The following ANGPT2 variants were observed in gnomAD, a reference collection of about 807,000 sequenced individuals.
ANGPT2 encodes angiopoietin-2.
Under a neutral mutation model 62.9 loss-of-function variants are expected in ANGPT2, and 28 were observed. That is an observed-to-expected ratio of 0.44 (90% confidence interval 0.33 to 0.61). The LOEUF is 0.61. ANGPT2 is among the 20% of genes least tolerant of loss of function. ANGPT2 has a pLI of 0.03. For synonymous variants in ANGPT2, 284 were observed against 207.8 expected (o/e 1.37, Z -3.15); for missense variants, 727 against 594.9 (o/e 1.22, Z -2.31).
chr8:6,543,966 A>T (rs760290405), intron 1 of ANGPT2, among the ~76,000 whole-genome samples: 4 of 152,226 alleles, frequency 2.6e-5, no homozygotes, highest in African/African-American at 4.8e-5. Flanking sequence ...TAATCTTTAA[A>T]GTTGCAATAT....
At chr8:6,536,258 G>A (rs1028848073) in intron 1 of ANGPT2, among the ~76,000 whole-genome samples, 7 of 152,012 alleles carry the variant, frequency 4.6e-5, no homozygotes, top group African/African-American at 1.7e-4. Context: ...CTTGGTTGCC[G>A]GCACTGCCTG....
intron 4 of ANGPT2, among the ~76,000 whole-genome samples, chr8:6,520,893 G>T (rs753753978): frequency 6.6e-6 from 1 of 152,166 alleles, no homozygotes; most frequent in Non-Finnish European, 1.5e-5. Flanking sequence ...ATCGGCTGTG[G>T]TTTAGTAATT....
At position 6,500,140 on chromosome 8, in the gene ANGPT2, T is replaced by C. The variant is rs1811864477; in HGVS notation, c.*2961A>G. 1.8e-6 allele frequency: 1 copy of C among 560,064 alleles called. No individual in the cohort carries two copies. Among genetic ancestry groups the C allele is most frequent in the Non-Finnish European group, 3.2e-6 (1 of 312,388 alleles). The allele number at this position is 560,064 out of a possible 1,614,324, so 34.7% of individuals were successfully genotyped here. A position where few individuals can be genotyped will look rare whatever the true frequency, so the allele number is the denominator to read the frequency against. On this transcript the variant is annotated 3_prime_UTR_variant, in exon 9 of 9. Coordinates refer to ENST00000629816, the MANE Select transcript of ANGPT2 (RefSeq NM_001118887.2). ...CCATTGTGCAAAAAGTAGTGAGGAA[T>C]GCAGTCCAAAGAAAATTTGACGATT...
intron 1 of ANGPT2, among the ~76,000 whole-genome samples, chr8:6,554,219 GAGTA>G (rs1824177218): frequency 6.6e-6 from 1 of 150,938 alleles, no homozygotes; most frequent in African/African-American, 2.4e-5. Flanking sequence ...GTTAACATGG[GAGTA>G]AGTGTGACAA....
At chr8:6,516,066 A>G (rs2515427) in intron 5 of ANGPT2, among the ~76,000 whole-genome samples, 9,188 of 152,276 alleles carry the variant, frequency 0.06, 310 homozygotes, top group African/African-American at 0.079. Flanking sequence ...AAGGTCACCC[A>G]GCTCGTATTG....
At chr8:6,526,879 C>A (rs1431637985) in intron 3 of ANGPT2, among the ~76,000 whole-genome samples, 5 of 152,104 alleles carry the variant, frequency 3.3e-5, no homozygotes, top group Admixed American at 2.6e-4. Context: ...CTATCCCCTA[C>A]AATTTTTTTT....
At chr8:6,545,996 A>T (rs1467986187) in intron 1 of ANGPT2, among the ~76,000 whole-genome samples, 1 of 152,260 alleles carries the variant, frequency 6.6e-6, no homozygotes, top group Admixed American at 6.5e-5. Context: ...AGCCATTGTC[A>T]TTACAGATTC....
At chr8:6,528,857 C>T (rs1331381722) in intron 2 of ANGPT2, among the ~76,000 whole-genome samples, 7 of 152,204 alleles carry the variant, frequency 4.6e-5, no homozygotes, top group South Asian at 2.1e-4. Flanking sequence ...ATGGTCTTAT[C>T]CTTAGAGCTG....
chr8:6,507,670 AG>A (rs1233087382), intron 8 of ANGPT2: 1 of 141,258 alleles, frequency 7.1e-6, no homozygotes, highest in Non-Finnish European at 1.5e-5. Flanking sequence ...TCTGCCTCCC[AG>A]GTTCAAGCCA....
chr8:6,525,224 C>T (rs1479263504), intron 3 of ANGPT2, among the ~76,000 whole-genome samples: 1 of 152,112 alleles, frequency 6.6e-6, no homozygotes, highest in African/African-American at 2.4e-5. Flanking sequence ...TCAATTGTAG[C>T]TCTTAAATGT....
At position 6,513,794 on chromosome 8, in the gene ANGPT2, C is replaced by T. The variant is rs200777464; in HGVS notation, c.1080G>A (p.Ser360=). 104 of 1,613,786 alleles carry T rather than the reference C, an allele frequency of 6.4e-5. No individual in the cohort carries two copies. The highest frequency in any genetic ancestry group is 1.2e-4 in the Admixed American group (7 of 59,978). ...CATAGCGTTGCTGATTAGTCAGTTG[C>T]GAAACAAACTCATTTCCCAGCCAAT... The part of the protein sequence containing the change: ...GEYWLGNEFV[S]QLTNQQRYVL... Residue 360 remains serine (S), a synonymous_variant, in exon 7 of 9, where the codon TCG becomes TCA. Coordinates refer to ENST00000629816, the MANE Select transcript of ANGPT2 (RefSeq NM_001118887.2).
intron 5 of ANGPT2, among the ~76,000 whole-genome samples, chr8:6,517,970 A>G (rs921682147): frequency 6.6e-6 from 1 of 152,182 alleles, no homozygotes; most frequent in Non-Finnish European, 1.5e-5. Context: ...TTTTACTGCA[A>G]ATGTTTAAAG....
chr8:6,530,967 A>G (rs1026127229), intron 2 of ANGPT2, among the ~76,000 whole-genome samples: 2 of 151,954 alleles, frequency 1.3e-5, no homozygotes, highest in East Asian at 3.9e-4. Context: ...TAGGAATAAT[A>G]TGGAGTGGGG....
chr8:6,521,464 A>AT, intron 3 of ANGPT2, 54 bp from the exon 4 acceptor site: 2 of 1,252,738 alleles, frequency 1.6e-6, no homozygotes, highest in Non-Finnish European at 2.2e-6. Flanking sequence ...GAAATATTTT[A>AT]TATTTATTGA....
intron 5 of ANGPT2, among the ~76,000 whole-genome samples, chr8:6,515,962 G>A (rs952304740): frequency 6.6e-6 from 1 of 152,166 alleles, no homozygotes; most frequent in African/African-American, 2.4e-5. Context: ...GTGGCTGCCT[G>A]ATGCCTCATT....
At chr8:6,526,573 G>C (rs1246289806) in intron 3 of ANGPT2, among the ~76,000 whole-genome samples, 1 of 152,094 alleles carries the variant, frequency 6.6e-6, no homozygotes, top group Non-Finnish European at 1.5e-5. Flanking sequence ...AAATCTATTT[G>C]CTTTTCAAAA....
At chr8:6,526,324 C>T (rs761322170) in intron 3 of ANGPT2, among the ~76,000 whole-genome samples, 69 of 145,426 alleles carry the variant, frequency 4.7e-4, no homozygotes, top group Non-Finnish European at 9.0e-4. Context: ...GTCCCAGCTA[C>T]TCAGGAGGCT....
chr8:6,499,826 A>G lies in ANGPT2; in HGVS notation c.*3275T>C. On this transcript the variant is annotated 3_prime_UTR_variant, in exon 9 of 9. Coordinates refer to ENST00000629816, the MANE Select transcript of ANGPT2 (RefSeq NM_001118887.2). ...CTGCTAAGGCTAATAAATGTATAATAAATCTGCTTGTTGTGTCACTTGCAG... is the reference window on the plus strand; with the variant it reads ...CTGCTAAGGCTAATAAATGTATAATGAATCTGCTTGTTGTGTCACTTGCAG... 2 of 1,607,410 alleles carry G rather than the reference A, an allele frequency of 1.2e-6. No homozygotes were observed. The highest frequency in any genetic ancestry group is 1.7e-6 in the Non-Finnish European group (2 of 1,175,326).
chr8:6,518,536 C>T (rs1257079604), intron 5 of ANGPT2, among the ~76,000 whole-genome samples: 2 of 152,152 alleles, frequency 1.3e-5, no homozygotes, highest in Admixed American at 1.3e-4. Flanking sequence ...CAATATTTAT[C>T]TTTTCCGTTC....
Sources: allele counts gnomAD v4.1 joint callset (sites outside exome capture counted in the v4.1 genomes callset), GRCh38; gene constraint gnomAD v4.1.1; transcripts MANE v1.5; gene names NCBI Gene and HGNC (gene_info 2026-07-23, HGNC 2026-07-21).